The following WDR35 variants were observed in gnomAD, a reference collection of about 807,000 sequenced individuals.
WDR35 encodes WD repeat-containing protein 35.
A neutral mutation model predicts 158.3 loss-of-function variants in WDR35; 118 were observed. The observed-to-expected ratio is 0.75, with a 90% CI of 0.64 to 0.87. The LOEUF (loss-of-function observed/expected upper bound fraction) is 0.87, where lower values mean the gene tolerates loss of function less well. WDR35 is among the 40% of genes least tolerant of loss of function. The pLI is 0.00. For synonymous variants in WDR35, 448 were observed against 476.1 expected (o/e 0.94, Z 0.77); for missense variants, 1,263 against 1,405.8 (o/e 0.90, Z 1.62).
chr2:19,989,910 C>T (rs1008284405), intron 1 of WDR35, 82 bp downstream of exon 1: 1 of 1,591,252 alleles, frequency 6.3e-7, no homozygotes, highest in South Asian at 1.1e-5. Context: ...GGTGAAGGAG[C>T]CTGGCTTCTC....
In WDR35 at chr2:19,982,458, C is replaced by G. The variant is rs1423710394; in HGVS notation, c.214+5G>C. 1 of 1,613,340 alleles carries G rather than the reference C, an allele frequency of 6.2e-7. No individual in the cohort carries two copies. Among genetic ancestry groups the G allele is most frequent in the Non-Finnish European group, 8.5e-7 (1 of 1,179,600 alleles). On this transcript the variant is annotated splice_donor_5th_base_variant and intron_variant, in intron 3 of 26. Transcript: ENST00000281405. ...ACATGACTTAAAAGAAATTGAATGACTCACCACTATGACCTTCAAGAGTCT... is the reference window on the plus strand; with the variant it reads ...ACATGACTTAAAAGAAATTGAATGAGTCACCACTATGACCTTCAAGAGTCT...
At chr2:19,951,148 G>A (rs976437790) in intron 13 of WDR35, among the ~76,000 whole-genome samples, 3 of 152,128 alleles carry the variant, frequency 2.0e-5, no homozygotes, top group Non-Finnish European at 4.4e-5. Flanking sequence ...GTGTGAGGAG[G>A]AGAGGAGGAG....
intron 22 of WDR35, among the ~76,000 whole-genome samples, chr2:19,932,841 A>G (rs1016490620): frequency 1.3e-5 from 2 of 152,196 alleles, no homozygotes; most frequent in African/African-American, 2.4e-5. Context: ...ATTTTTATAA[A>G]GCAAAAGGGG....
intron 11 of WDR35, among the ~76,000 whole-genome samples, chr2:19,954,377 G>A (rs113755964): frequency 1.3e-5 from 2 of 152,290 alleles, no homozygotes; most frequent in African/African-American, 4.8e-5. Context: ...TATCAAGAAA[G>A]TAAAGACAAC....
intron 11 of WDR35, among the ~76,000 whole-genome samples, chr2:19,956,609 TTAA>T (rs1671441719): frequency 6.7e-6 from 1 of 150,352 alleles, no homozygotes; most frequent in African/African-American, 2.4e-5. Context: ...GAGTACACGC[TTAA>T]TAATACTTTT....
chr2:19,910,605 A>G lies in WDR35; in HGVS notation c.*2953T>C, dbSNP rs994458299. ...ACATGTTTTTTGCAAGGAGAACAAC[A>G]TAACTGTTTAATGATGCTGTCTTCA... On this transcript the variant is annotated 3_prime_UTR_variant, in exon 27 of 27. Coordinates refer to ENST00000281405, the MANE Select transcript of WDR35 (RefSeq NM_020779.4). The G allele has an allele frequency of 2.0e-5, 3 of 152,240 alleles. No individual in the cohort carries two copies. Among genetic ancestry groups the G allele is most frequent in the Non-Finnish European group, 2.9e-5 (2 of 68,042 alleles). 9.4% of individuals were successfully genotyped at this position (152,240 alleles called of 1,614,324 possible). A position where few individuals can be genotyped will look rare whatever the true frequency, so the allele number is the denominator to read the frequency against.
intron 8 of WDR35, among the ~76,000 whole-genome samples, chr2:19,971,758 AGAG>A (rs1558354255): frequency 6.6e-6 from 1 of 152,176 alleles, no homozygotes; most frequent in African/African-American, 2.4e-5. Flanking sequence ...CCCATCCATA[AGAG>A]GAGGAGAATA....
intron 19 of WDR35, 120 bp from the exon 20 acceptor site, chr2:19,936,485 T>A: frequency 6.9e-7 from 1 of 1,443,000 alleles, no homozygotes. Context: ...AATGTGACTC[T>A]CCAAACACTT....
intron 25 of WDR35, among the ~76,000 whole-genome samples, chr2:19,917,394 T>G (rs1279823264): frequency 2.0e-5 from 3 of 152,116 alleles, no homozygotes; most frequent in Non-Finnish European, 4.4e-5. Context: ...GAGAATGAAT[T>G]TGATTAACTG....
At chr2:19,954,029 G>A in intron 11 of WDR35, 51 bp from the exon 12 acceptor site, 2 of 1,605,568 alleles carry the variant, frequency 1.2e-6, no homozygotes, top group African/African-American at 1.3e-5. Flanking sequence ...ATTGCAGAAT[G>A]CTTGTGCTGC....
At chr2:19,923,765 T>G (rs1292968376) in intron 25 of WDR35, among the ~76,000 whole-genome samples, 1 of 152,206 alleles carries the variant, frequency 6.6e-6, no homozygotes, top group Non-Finnish European at 1.5e-5. Context: ...CCTGTTAGAA[T>G]ACACCCCCCA....
intron 11 of WDR35, among the ~76,000 whole-genome samples, chr2:19,958,780 G>C (rs1256489810): frequency 6.6e-6 from 1 of 152,072 alleles, no homozygotes; most frequent in Non-Finnish European, 1.5e-5. Context: ...ATTTTGGATG[G>C]AAGCACACCA....
chr2:19,959,492 A>T (rs1671561830), intron 11 of WDR35, among the ~76,000 whole-genome samples: 4 of 152,080 alleles, frequency 2.6e-5, no homozygotes. Flanking sequence ...ATATAAATAT[A>T]TACACATATA....
intron 10 of WDR35, among the ~76,000 whole-genome samples, chr2:19,964,298 AT>A (rs902472704): frequency 1.4e-5 from 2 of 145,462 alleles, no homozygotes; most frequent in Non-Finnish European, 3.0e-5. Flanking sequence ...ATTTTCTTGA[AT>A]TTTTTTTTCA....
At chr2:19,916,223 AAC>A (rs1224225386) in intron 25 of WDR35, among the ~76,000 whole-genome samples, 3 of 152,196 alleles carry the variant, frequency 2.0e-5, no homozygotes, top group Non-Finnish European at 4.4e-5. Context: ...CTGCACTTTT[AAC>A]ACAGTCTTCA....
At chr2:19,977,013 G>GCA (rs1341377321) in intron 5 of WDR35, among the ~76,000 whole-genome samples, 1 of 151,642 alleles carries the variant, frequency 6.6e-6, no homozygotes, top group Non-Finnish European at 1.5e-5. Flanking sequence ...TTTATTTTTA[G>GCA]CACAGACAAG....
Position 19,932,306 on chromosome 2 carries a change from C to A in WDR35, c.2800G>T (p.Asp934Tyr). 1 of 1,613,214 alleles carries A rather than the reference C, an allele frequency of 6.2e-7. No individual in the cohort carries two copies. Among genetic ancestry groups the A allele is most frequent in the Non-Finnish European group, 8.5e-7 (1 of 1,179,476 alleles). Residue 934 changes from aspartate (D) to tyrosine (Y), a missense_variant, in exon 23 of 27, where the codon GAT (aspartate) becomes TAT (tyrosine). Transcript: ENST00000281405. ...ACCTTAAACATCAGTTTAGCTGCAT[C>A]AAAAAAGTAATTGGCTTTCCGATAG... ...ELYRKANYFF[D>Y]AAKLMFKIAD...
chr2:19,933,862 T>A (rs964664053), intron 21 of WDR35, among the ~76,000 whole-genome samples: 1 of 152,180 alleles, frequency 6.6e-6, no homozygotes, highest in Non-Finnish European at 1.5e-5. Context: ...ATTGGTGGTA[T>A]ACTCAGTGCT....
chr2:19,923,005 C>A (rs1212195020), intron 25 of WDR35, among the ~76,000 whole-genome samples: 2 of 152,230 alleles, frequency 1.3e-5, no homozygotes, highest in Non-Finnish European at 2.9e-5. Context: ...ACTAGCCAGA[C>A]CCATCCCTTT....
Sources: allele counts gnomAD v4.1 joint callset (sites outside exome capture counted in the v4.1 genomes callset), GRCh38; gene constraint gnomAD v4.1.1; transcripts MANE v1.5; gene names NCBI Gene and HGNC (gene_info 2026-07-23, HGNC 2026-07-21).